The following NELL1 variants were observed in gnomAD, a reference collection of about 807,000 sequenced individuals.
The protein encoded by NELL1 is protein kinase C-binding protein NELL1.
NELL1 carries 76 observed loss-of-function variants against 107.4 expected under a neutral mutation model. The observed-to-expected ratio is 0.71, with a 90% CI of 0.59 to 0.86. The LOEUF (loss-of-function observed/expected upper bound fraction) is 0.86. NELL1 is among the 40% of genes least tolerant of loss of function. The pLI is 0.00. For synonymous variants in NELL1, 353 were observed against 341.2 expected (o/e 1.03, Z -0.38); for missense variants, 1,024 against 1,005.5 (o/e 1.02, Z -0.25).
At chr11:20,888,467 TA>T (rs1229654872) in intron 5 of NELL1, among the ~76,000 whole-genome samples, 6 of 151,070 alleles carry the variant, frequency 4.0e-5, no homozygotes, top group South Asian at 4.2e-4. Context: ...AGGAAGATAA[TA>T]AAGAATATAT....
chr11:21,101,023 T>C (rs1854794927), intron 12 of NELL1, among the ~76,000 whole-genome samples: 1 of 140,230 alleles, frequency 7.1e-6, no homozygotes, highest in Admixed American at 7.4e-5. Flanking sequence ...CAGTGTGCGA[T>C]GTTCCCCTTC....
At chr11:21,306,901 A>G (rs1303146356) in intron 14 of NELL1, among the ~76,000 whole-genome samples, 2 of 152,060 alleles carry the variant, frequency 1.3e-5, no homozygotes, top group Non-Finnish European at 2.9e-5. Flanking sequence ...AATAGGAGCT[A>G]AGGTCAGCAG....
At chr11:21,495,605 A>AT (rs1338829363) in intron 15 of NELL1, among the ~76,000 whole-genome samples, 3 of 152,154 alleles carry the variant, frequency 2.0e-5, no homozygotes, top group Non-Finnish European at 4.4e-5. Flanking sequence ...CAGTGGCTGC[A>AT]TAATTTTACA....
At chr11:21,007,299 T>C (rs1010082590) in intron 12 of NELL1, among the ~76,000 whole-genome samples, 1 of 152,000 alleles carries the variant, frequency 6.6e-6, no homozygotes, top group Admixed American at 6.6e-5. Flanking sequence ...TTTTTAGTGA[T>C]CTCTCCTCTG....
chr11:21,158,021 T>C (rs1856282252), intron 13 of NELL1, among the ~76,000 whole-genome samples: 1 of 152,114 alleles, frequency 6.6e-6, no homozygotes, highest in Non-Finnish European at 1.5e-5. Context: ...GTGGGCACCA[T>C]CTAATCATCT....
At chr11:21,243,491 A>G (rs1348423028) in intron 14 of NELL1, among the ~76,000 whole-genome samples, 1 of 152,122 alleles carries the variant, frequency 6.6e-6, no homozygotes, top group Non-Finnish European at 1.5e-5. Flanking sequence ...CACTTAAGTT[A>G]CCTCTTTGAA....
At chr11:21,091,328 T>G (rs1176136422) in intron 12 of NELL1, among the ~76,000 whole-genome samples, 1 of 152,230 alleles carries the variant, frequency 6.6e-6, no homozygotes, top group Non-Finnish European at 1.5e-5. Flanking sequence ...GGCCTTTATA[T>G]AACTCTGGTT....
intron 14 of NELL1, among the ~76,000 whole-genome samples, chr11:21,351,501 T>C (rs1338095543): frequency 6.7e-6 from 1 of 150,168 alleles, no homozygotes; most frequent in Non-Finnish European, 1.5e-5. Context: ...TAAGTGTAAA[T>C]GCAGTCCATA....
intron 13 of NELL1, among the ~76,000 whole-genome samples, chr11:21,160,364 A>G (rs1342271211): frequency 1.3e-5 from 2 of 152,278 alleles, no homozygotes; most frequent in South Asian, 2.1e-4. Flanking sequence ...AATGTCTACT[A>G]TTTGTAAAGA....
At chr11:20,827,882 T>C (rs1361313481) in intron 3 of NELL1, among the ~76,000 whole-genome samples, 1 of 151,244 alleles carries the variant, frequency 6.6e-6, no homozygotes, top group Non-Finnish European at 1.5e-5. Context: ...GTGACTTCCT[T>C]CTGTTGTGAT....
chr11:21,142,184 C>A (rs1855883902), intron 13 of NELL1, among the ~76,000 whole-genome samples: 1 of 152,194 alleles, frequency 6.6e-6, no homozygotes, highest in South Asian at 2.1e-4. Flanking sequence ...ATTCTACCAG[C>A]TGGGGGCGTC....
chr11:21,447,335 C>G (rs552916203), intron 15 of NELL1, among the ~76,000 whole-genome samples: 11 of 152,204 alleles, frequency 7.2e-5, no homozygotes, highest in Non-Finnish European at 1.3e-4. Context: ...TTTTCTCAAG[C>G]AGAAAGGGTT....
At chr11:21,064,232 C>G (rs1433522024) in intron 12 of NELL1, among the ~76,000 whole-genome samples, 4 of 152,106 alleles carry the variant, frequency 2.6e-5, no homozygotes, top group African/African-American at 9.7e-5. Context: ...TAGTCTTTGA[C>G]TTTTTTCTGA....
chr11:20,779,429 C>G (rs1298137418), intron 2 of NELL1, among the ~76,000 whole-genome samples: 4 of 152,186 alleles, frequency 2.6e-5, no homozygotes, highest in Admixed American at 1.3e-4. Flanking sequence ...ATATTTAGCA[C>G]TTCTTATGGG....
intron 15 of NELL1, among the ~76,000 whole-genome samples, chr11:21,422,793 A>G (rs1357905024): frequency 2.0e-5 from 3 of 152,176 alleles, no homozygotes; most frequent in Admixed American, 2.0e-4. Flanking sequence ...TTAAAGTCAT[A>G]TAGGAAACAA....
intron 7 of NELL1, 56 bp downstream of exon 7, chr11:20,919,390 A>G: frequency 1.9e-6 from 2 of 1,070,336 alleles, no homozygotes; most frequent in Non-Finnish European, 2.9e-6. Flanking sequence ...CCTATCTGGA[A>G]TTTGGAGTGA....
At chr11:21,289,412 A>G (rs1297148529) in intron 14 of NELL1, among the ~76,000 whole-genome samples, 1 of 152,190 alleles carries the variant, frequency 6.6e-6, no homozygotes, top group Non-Finnish European at 1.5e-5. Context: ...GCAAGGGGTC[A>G]GGGAACTCCC....
intron 5 of NELL1, among the ~76,000 whole-genome samples, chr11:20,913,345 G>A (rs983976055): frequency 6.6e-6 from 1 of 152,080 alleles, no homozygotes; most frequent in African/African-American, 2.4e-5. Flanking sequence ...AAATAAGAGC[G>A]TTAAAAAAGA....
At chr11:21,054,886 A>G (rs1362692715) in intron 12 of NELL1, among the ~76,000 whole-genome samples, 1 of 152,036 alleles carries the variant, frequency 6.6e-6, no homozygotes, top group Admixed American at 6.6e-5. Flanking sequence ...ATTGTCAGAC[A>G]TTTTTGATTT....
Sources: allele counts gnomAD v4.1 joint callset (sites outside exome capture counted in the v4.1 genomes callset), GRCh38; gene constraint gnomAD v4.1.1; transcripts MANE v1.5; gene names NCBI Gene and HGNC (gene_info 2026-07-23, HGNC 2026-07-21).